The following DNAJC15 variants were observed in gnomAD, a reference collection of about 807,000 sequenced individuals.
The protein encoded by DNAJC15 is dnaJ homolog subfamily C member 15.
DNAJC15 carries 27 observed loss-of-function variants against 22.4 expected under a neutral mutation model. That is an observed-to-expected ratio of 1.20 (90% CI 0.89 to 1.66). DNAJC15 has a LOEUF of 1.66. Ranked by LOEUF, DNAJC15 falls within the 40% of genes most tolerant of loss-of-function variation. The pLI, the probability that DNAJC15 is intolerant of heterozygous loss-of-function variation, is 0.00. For synonymous variants in DNAJC15, 79 were observed against 63.2 expected, an observed-to-expected ratio of 1.25 and a Z score of -1.19; for missense variants, 208 against 187.1, an observed-to-expected ratio of 1.11 and a Z score of -0.65.
intron 1 of DNAJC15, among the ~76,000 whole-genome samples, chr13:43,030,117 G>A (rs2040398013): frequency 6.6e-6 from 1 of 152,158 alleles, no homozygotes; most frequent in Non-Finnish European, 1.5e-5. Context: ...TCTGACTTCT[G>A]ATGTGCTTTT....
At position 43,023,822 on chromosome 13, in the gene DNAJC15, G is replaced by T. The variant is rs1294478697; in HGVS notation, c.108+88G>T. 86 of 1,222,020 alleles carry T rather than the reference G, an allele frequency of 7.0e-5. 1 individual carries two copies. The East Asian group carries it at 2.2e-3, about 31-fold the overall frequency. 75.7% of individuals were successfully genotyped at this position (1,222,020 alleles called of 1,614,324 possible). ...TCTACCGCCTCACCCTTGAACCTTT[G>T]TACTCCCCCGCATTCGCTCACGGTC... On this transcript the variant is annotated intron_variant, in intron 1 of 5. Transcript: ENST00000379221.
intron 1 of DNAJC15, among the ~76,000 whole-genome samples, chr13:43,045,682 G>A (rs757689459): frequency 4.6e-5 from 7 of 152,134 alleles, no homozygotes; most frequent in Non-Finnish European, 7.4e-5. Flanking sequence ...TTTTGGGCCT[G>A]GGGCCAGGCT....
intron 1 of DNAJC15, among the ~76,000 whole-genome samples, chr13:43,053,927 C>T (rs1249034537): frequency 1.3e-5 from 2 of 152,160 alleles, no homozygotes; most frequent in Non-Finnish European, 2.9e-5. Context: ...TTTGATTGCT[C>T]TGGCTAGGAC....
rs536603848 is a variant in DNAJC15 at position 43,034,894 on chromosome 13, T to C, written c.108+11160T>C. Among the ~76,000 whole-genome samples, 11 of 152,290 alleles carry C rather than the reference T, an allele frequency of 7.2e-5. No homozygotes were observed. In the South Asian group the frequency reaches 1.0e-3, roughly 14 times the overall value. On this transcript the variant is annotated intron_variant, in intron 1 of 5. Coordinates refer to ENST00000379221, the MANE Select transcript of DNAJC15 (RefSeq NM_013238.3). Reference sequence around the variant, plus strand: ...TGCCCCAGTCCCAAAATCAGGCATTTCTCCAATGAGTTCTGTGTATATAAC... The same window carrying C: ...TGCCCCAGTCCCAAAATCAGGCATTCCTCCAATGAGTTCTGTGTATATAAC...
intron 3 of DNAJC15, among the ~76,000 whole-genome samples, chr13:43,074,518 A>G (rs2153441185): frequency 6.6e-6 from 1 of 152,224 alleles, no homozygotes; most frequent in Non-Finnish European, 1.5e-5. Context: ...TCTTTGACCT[A>G]CCACAGTGTT....
At chr13:43,032,050 A>G (rs2040406264) in intron 1 of DNAJC15, among the ~76,000 whole-genome samples, 2 of 152,176 alleles carry the variant, frequency 1.3e-5, no homozygotes, top group Admixed American at 1.3e-4. Flanking sequence ...GTGTTTTTCA[A>G]AACCACTCTA....
chr13:43,076,527 C>T, intron 3 of DNAJC15, among the ~76,000 whole-genome samples: 1 of 152,098 alleles, frequency 6.6e-6, no homozygotes, highest in Admixed American at 6.6e-5. Flanking sequence ...AAATTATAAT[C>T]CCACCAGCTA....
chr13:43,045,095 T>C (rs2040470363), intron 1 of DNAJC15, among the ~76,000 whole-genome samples: 1 of 152,170 alleles, frequency 6.6e-6, no homozygotes, highest in Non-Finnish European at 1.5e-5. Context: ...TGTTCGACCT[T>C]GTTGCCTATT....
intron 4 of DNAJC15, among the ~76,000 whole-genome samples, chr13:43,080,162 AT>A (rs1434733817): frequency 6.6e-6 from 1 of 152,112 alleles, no homozygotes; most frequent in African/African-American, 2.4e-5. Flanking sequence ...TGTATAGATT[AT>A]TTTGTCACCC....
chr13:43,043,162 A>G lies in DNAJC15; in HGVS notation c.108+19428A>G, dbSNP rs369704095. Among the ~76,000 whole-genome samples the G allele has an allele frequency of 7.9e-5, 12 of 152,312 alleles. No homozygotes were observed. The East Asian group carries it at 1.4e-3, about 17-fold the overall frequency. Reference sequence around the variant, plus strand: ...GGCTCTGTCACTCAGGCCGGAGTCCAGTGGTATGATCTTGGCTCACTGCAA... The same window carrying G: ...GGCTCTGTCACTCAGGCCGGAGTCCGGTGGTATGATCTTGGCTCACTGCAA... On this transcript the variant is annotated intron_variant, in intron 1 of 5. Transcript: ENST00000379221.
chr13:43,059,280 AAG>A (rs1290615891), intron 1 of DNAJC15, among the ~76,000 whole-genome samples: 2 of 152,334 alleles, frequency 1.3e-5, no homozygotes, highest in East Asian at 3.9e-4. Context: ...TTGAATGAAA[AAG>A]TAAAATATAT....
At chr13:43,103,546 C>T (rs2040781486) in intron 5 of DNAJC15, among the ~76,000 whole-genome samples, 1 of 152,208 alleles carries the variant, frequency 6.6e-6, no homozygotes, top group African/African-American at 2.4e-5. Flanking sequence ...TTTGTCGAGA[C>T]TTGCTTTTAG....
At chr13:43,064,877 A>T (rs918060330) in intron 1 of DNAJC15, among the ~76,000 whole-genome samples, 1 of 152,088 alleles carries the variant, frequency 6.6e-6, no homozygotes, top group African/African-American at 2.4e-5. Flanking sequence ...GTTGTATCTT[A>T]CGTGCCAACG....
At chr13:43,100,248 C>T (rs1007210473) in intron 5 of DNAJC15, among the ~76,000 whole-genome samples, 2 of 141,636 alleles carry the variant, frequency 1.4e-5, no homozygotes, top group Non-Finnish European at 3.0e-5. Flanking sequence ...CACTCTGTCA[C>T]CCAGACTGGA....
intron 1 of DNAJC15, among the ~76,000 whole-genome samples, chr13:43,057,773 C>A (rs1298478585): frequency 6.6e-6 from 1 of 152,164 alleles, no homozygotes; most frequent in Non-Finnish European, 1.5e-5. Context: ...TGTTCAGATC[C>A]TTTTGTCCCA....
At chr13:43,075,054 G>A (rs1269904181) in intron 3 of DNAJC15, among the ~76,000 whole-genome samples, 5 of 152,082 alleles carry the variant, frequency 3.3e-5, no homozygotes, top group African/African-American at 1.2e-4. Context: ...AGATACTGAG[G>A]GTTGAATGTA....
Position 43,114,144 on chromosome 13 carries a change from C to T in DNAJC15, c.*6896C>T, listed in dbSNP as rs1232068209. On this transcript the variant is annotated 3_prime_UTR_variant, in exon 6 of 6. Coordinates refer to ENST00000379221, the MANE Select transcript of DNAJC15 (RefSeq NM_013238.3). ...TTGCTTTAAAATTGTAAAGGATAAA[C>T]AATAAGATAGTTTTATCTATGTGGT... is the stretch of plus-strand genomic sequence containing the variant. 6.6e-6 allele frequency: 1 copy of T among 152,020 alleles called. No homozygotes were observed. Among genetic ancestry groups the T allele is most frequent in the Non-Finnish European group, 1.5e-5 (1 of 68,000 alleles). The allele number at this position is 152,020 out of a possible 1,614,324, so 9.4% of individuals were successfully genotyped here. A position where few individuals can be genotyped will look rare whatever the true frequency, so the allele number is the denominator to read the frequency against.
intron 1 of DNAJC15, among the ~76,000 whole-genome samples, chr13:43,034,382 C>A (rs2040418361): frequency 8.0e-6 from 1 of 125,098 alleles, no homozygotes; most frequent in Non-Finnish European, 1.6e-5. Context: ...GTGGCGCGAT[C>A]TCGGCTCACT....
chr13:43,105,760 A>G (rs1188385200), intron 5 of DNAJC15, among the ~76,000 whole-genome samples: 3 of 152,224 alleles, frequency 2.0e-5, no homozygotes, highest in African/African-American at 7.2e-5. Flanking sequence ...CATCGAGGAC[A>G]TCACCCTGAT....
Sources: gnomAD v4.1 joint callset for allele counts (sites outside exome capture counted in the v4.1 genomes callset) on GRCh38, gnomAD v4.1.1 for gene constraint, MANE v1.5 for transcripts, NCBI Gene and HGNC (gene_info 2026-07-23, HGNC 2026-07-21) for gene names.